VWA3B: variants seen among roughly 807,000 people sequenced by gnomAD.
VWA3B encodes von Willebrand factor A domain containing 3B.
A neutral mutation model predicts 158.3 loss-of-function variants in VWA3B; 138 were observed. The ratio of observed to expected loss-of-function variants is 0.87; its 90% CI spans 0.76 to 1.00. VWA3B has a LOEUF of 1.00. Among genes scored for constraint, VWA3B ranks in the 50% least tolerant of loss-of-function variants. VWA3B has a pLI of 0.00. For missense variants in VWA3B, 1,555 were observed against 1,565.1 expected, an observed-to-expected ratio of 0.99 and a Z score of 0.11; for synonymous variants, 596 against 587.3, an observed-to-expected ratio of 1.01 and a Z score of -0.21.
At chr2:98,287,214 T>TTGTGCC (rs1405367805) in intron 22 of VWA3B, among the ~76,000 whole-genome samples, 2 of 152,142 alleles carry the variant, frequency 1.3e-5, no homozygotes, top group Non-Finnish European at 2.9e-5. Flanking sequence ...GTCTGGACCC[T>TTGTGCC]TGTGCCTATT....
intron 16 of VWA3B, among the ~76,000 whole-genome samples, chr2:98,232,443 A>T (rs1285642102): frequency 6.6e-6 from 1 of 151,982 alleles, no homozygotes. Flanking sequence ...ATGTATAATT[A>T]ATTGTTGAAG....
rs1458133207 is a variant in VWA3B at position 98,311,909 on chromosome 2, G to A, written c.3612G>A (p.Lys1204=). The A allele has an allele frequency of 5.6e-6, 9 of 1,610,874 alleles. No homozygotes were observed. The highest frequency in any genetic ancestry group is 5.0e-5 in the Admixed American group (3 of 59,560). Residue 1204 remains lysine (K), a synonymous_variant, in exon 27 of 28, where the codon AAG becomes AAA. Coordinates refer to ENST00000477737, the MANE Select transcript of VWA3B (RefSeq NM_144992.5). ...ATTCCAGAGAGCCAAGACGAGAGAA[G>A]CCCAGGAGGAAAAAGAGGCCCGCCA... The part of the protein sequence containing the change: ...TQDSREPRRE[K]PRRKKRPAKQ...
chr2:98,293,876 G>T (rs1192200127), intron 23 of VWA3B, among the ~76,000 whole-genome samples: 3 of 152,048 alleles, frequency 2.0e-5, no homozygotes, highest in Non-Finnish European at 4.4e-5. Context: ...TCCAGGACAG[G>T]TCTCAGCCCA....
At chr2:98,228,598 A>C (rs2105686560) in intron 15 of VWA3B, among the ~76,000 whole-genome samples, 1 of 152,186 alleles carries the variant, frequency 6.6e-6, no homozygotes, top group Admixed American at 6.5e-5. Flanking sequence ...AAGCAATGAG[A>C]GGGCGGAGAG....
intron 2 of VWA3B, among the ~76,000 whole-genome samples, chr2:98,099,645 C>T (rs1682949526): frequency 1.3e-5 from 2 of 152,026 alleles, no homozygotes; most frequent in African/African-American, 4.8e-5. Context: ...GGAAAGTTTC[C>T]TGCTATTATT....
intron 5 of VWA3B, chr2:98,121,950 C>T (rs1385396566): frequency 1.3e-5 from 2 of 154,042 alleles, no homozygotes; most frequent in Non-Finnish European, 2.9e-5. Flanking sequence ...CCTAGTTACT[C>T]TTCTTCACAG....
chr2:98,142,196 C>T (rs992421633), intron 7 of VWA3B, among the ~76,000 whole-genome samples: 1 of 152,148 alleles, frequency 6.6e-6, no homozygotes, highest in Non-Finnish European at 1.5e-5. Context: ...TGCCTTATTG[C>T]CGCTTCAGGC....
At chr2:98,207,811 C>T (rs553757660) in intron 12 of VWA3B, 147 of 227,210 alleles carry the variant, frequency 6.5e-4, no homozygotes, top group African/African-American at 1.5e-3. Flanking sequence ...CTTCAGGTTT[C>T]GGTGTAAGCC....
At chr2:98,212,780 C>T (rs867782428) in intron 13 of VWA3B, among the ~76,000 whole-genome samples, 8 of 151,634 alleles carry the variant, frequency 5.3e-5, no homozygotes, top group South Asian at 2.1e-4. Flanking sequence ...TATGACAGAA[C>T]GGGAGTGTGT....
intron 24 of VWA3B, among the ~76,000 whole-genome samples, chr2:98,298,668 G>A (rs1310647614): frequency 6.6e-6 from 1 of 152,206 alleles, no homozygotes; most frequent in Non-Finnish European, 1.5e-5. Context: ...TTTGAACAAA[G>A]AATTGAACAA....
chr2:98,190,724 G>A (rs1036435286), intron 10 of VWA3B, among the ~76,000 whole-genome samples: 1 of 152,076 alleles, frequency 6.6e-6, no homozygotes, highest in African/African-American at 2.4e-5. Context: ...GAAGTCTCCT[G>A]TCATATTTTT....
intron 7 of VWA3B, among the ~76,000 whole-genome samples, chr2:98,156,584 T>C (rs369401396): frequency 5.3e-5 from 8 of 152,256 alleles, no homozygotes; most frequent in African/African-American, 1.9e-4. Context: ...CCACCGTCTT[T>C]GTTATTTTTA....
At chr2:98,152,525 C>T (rs550696336) in intron 7 of VWA3B, among the ~76,000 whole-genome samples, 1 of 152,148 alleles carries the variant, frequency 6.6e-6, no homozygotes, top group East Asian at 1.9e-4. Flanking sequence ...GGGACTCCTT[C>T]TCAGTAAGGA....
chr2:98,108,936 T>C (rs1673905660), intron 2 of VWA3B, among the ~76,000 whole-genome samples: 1 of 151,844 alleles, frequency 6.6e-6, no homozygotes, highest in Non-Finnish European at 1.5e-5. Flanking sequence ...CTACCTGCTT[T>C]TGGGTTACCT....
intron 7 of VWA3B, among the ~76,000 whole-genome samples, chr2:98,136,080 G>A (rs1676260391): frequency 6.6e-6 from 1 of 152,076 alleles, no homozygotes; most frequent in South Asian, 2.1e-4. Flanking sequence ...GGACTTTTCT[G>A]GCAATGTGAA....
At chr2:98,264,163 G>T (rs755256454) in intron 21 of VWA3B, among the ~76,000 whole-genome samples, 1 of 149,572 alleles carries the variant, frequency 6.7e-6, no homozygotes, top group South Asian at 2.1e-4. Flanking sequence ...TGTCAATTTT[G>T]TAGGTCTTTT....
intron 24 of VWA3B, among the ~76,000 whole-genome samples, chr2:98,299,494 G>T (rs1324472912): frequency 6.6e-6 from 1 of 152,212 alleles, no homozygotes; most frequent in African/African-American, 2.4e-5. Context: ...AGGAATTGGA[G>T]AATTCATCCT....
chr2:98,264,016 G>A (rs1278262137), intron 21 of VWA3B, among the ~76,000 whole-genome samples: 1 of 151,794 alleles, frequency 6.6e-6, no homozygotes, highest in Non-Finnish European at 1.5e-5. Flanking sequence ...TATGCAATTT[G>A]TCGGTGTAAT....
chr2:98,322,351 C>A, the VWA3B span, among the ~76,000 whole-genome samples: 5 of 152,138 alleles, frequency 3.3e-5, no homozygotes, highest in Admixed American at 6.5e-5. Context: ...AAAACTATAG[C>A]CTAACTGGCT....
Sources: allele counts gnomAD v4.1 joint callset (sites outside exome capture counted in the v4.1 genomes callset), GRCh38; gene constraint gnomAD v4.1.1; transcripts MANE v1.5; gene names NCBI Gene and HGNC (gene_info 2026-07-23, HGNC 2026-07-21).